ZNF346: variants seen among roughly 807,000 people sequenced by gnomAD.
ZNF346 encodes zinc finger protein 346.
In ZNF346, 23 loss-of-function variants were observed where a neutral mutation model predicts 33.7. The observed-to-expected ratio is 0.68, with a 90% CI of 0.49 to 0.97. The LOEUF is 0.97. Ranked by LOEUF, ZNF346 falls within the 50% of genes least tolerant of loss-of-function variation. The pLI, the probability that ZNF346 is intolerant of heterozygous loss-of-function variation, is 0.00. For synonymous variants in ZNF346, 134 were observed against 142.4 expected (o/e 0.94, Z 0.42); for missense variants, 340 against 371.1 (o/e 0.92, Z 0.69).
intron 8 of ZNF346, among the ~76,000 whole-genome samples, chr5:177,076,531 T>C (rs1200635736): frequency 6.6e-6 from 1 of 152,198 alleles, no homozygotes; most frequent in Non-Finnish European, 1.5e-5. Context: ...AGAATCCTGT[T>C]GGGTCAGTTT....
intron 4 of ZNF346, among the ~76,000 whole-genome samples, chr5:177,048,189 T>C (rs1702566514): frequency 6.6e-6 from 1 of 152,048 alleles, no homozygotes; most frequent in African/African-American, 2.4e-5. Flanking sequence ...CCTCATTTTA[T>C]TGGATGCGCA....
downstream of ZNF346, among the ~76,000 whole-genome samples, chr5:177,068,968 A>G (rs1374292995): frequency 1.4e-5 from 2 of 143,362 alleles, no homozygotes; most frequent in East Asian, 3.9e-4. Flanking sequence ...CAAGATACAG[A>G]ACATTGCCAG....
intron 1 of ZNF346, among the ~76,000 whole-genome samples, chr5:177,038,105 C>G (rs1317720508): frequency 7.6e-6 from 1 of 131,262 alleles, no homozygotes; most frequent in East Asian, 2.0e-4. Context: ...TTTAAATTTT[C>G]AGAGTCAAAG....
chr5:177,054,939 T>C (rs2149681153), intron 5 of ZNF346, among the ~76,000 whole-genome samples: 1 of 152,154 alleles, frequency 6.6e-6, no homozygotes, highest in East Asian at 1.9e-4. Flanking sequence ...ATGGTAAAGA[T>C]ACCTTTCTGA....
At chr5:177,034,939 T>TTC (rs1256913945) in intron 1 of ZNF346, among the ~76,000 whole-genome samples, 1 of 152,226 alleles carries the variant, frequency 6.6e-6, no homozygotes, top group East Asian at 1.9e-4. Flanking sequence ...GTATGCATTA[T>TTC]TCCTGGAGAT....
intron 1 of ZNF346, among the ~76,000 whole-genome samples, chr5:177,026,499 A>T (rs980308513): frequency 1.3e-5 from 2 of 151,398 alleles, no homozygotes; most frequent in African/African-American, 4.9e-5. Context: ...AGCTGGGATT[A>T]CAGGAGGGTG....
chr5:177,070,786 G>T (rs185517541), downstream of ZNF346, among the ~76,000 whole-genome samples: 3 of 151,868 alleles, frequency 2.0e-5, no homozygotes, highest in Non-Finnish European at 4.4e-5. Flanking sequence ...TGACTGAGGC[G>T]GGGGGAAAAG....
chr5:177,054,024 T>A lies in ZNF346; in HGVS notation c.703+3088T>A, dbSNP rs77561156. Reference sequence around the variant, plus strand: ...GGGATAGCTTGAGATTTCATCATGCTACTCAGAATAGCCAGCACTTTAAAA... The same window carrying A: ...GGGATAGCTTGAGATTTCATCATGCAACTCAGAATAGCCAGCACTTTAAAA... On this transcript the variant is annotated intron_variant, in intron 5 of 6. Transcript: ENST00000358149. Among the ~76,000 whole-genome samples, 1,425 of 152,150 alleles carry A rather than the reference T, an allele frequency of 9.4e-3. 33 individuals are homozygous for A. The highest frequency in any genetic ancestry group is 0.032 in the African/African-American group (1,345 of 41,492).
intron 1 of ZNF346, among the ~76,000 whole-genome samples, chr5:177,038,873 TTCTTG>T (rs1561983995): frequency 2.6e-5 from 3 of 114,548 alleles, no homozygotes; most frequent in Non-Finnish European, 3.4e-5. Flanking sequence ...TTTCTTCTTC[TTCTTG>T]TGTGTGTGTG....
downstream of ZNF346, among the ~76,000 whole-genome samples, chr5:177,071,571 A>C (rs1392938956): frequency 6.7e-6 from 1 of 148,838 alleles, no homozygotes; most frequent in Non-Finnish European, 1.5e-5. Flanking sequence ...CTGTAGTCCC[A>C]GCTACCGGGA....
Position 177,022,749 on chromosome 5 carries a change from C to T in ZNF346, c.11C>T (p.Pro4Leu), listed in dbSNP as rs538428254. ...GGGTTTGCGGGGAAGATGGAGTATC[C>T]CGCGCCGGCCACGGTGCAGGCCGCG... is the stretch of plus-strand genomic sequence containing the variant. MEY[P>L]APATVQAADG... Residue 4 changes from proline (P) to leucine (L), a missense_variant, in exon 1 of 7, where the codon CCC becomes CTC. Coordinates refer to ENST00000358149, the MANE Select transcript of ZNF346 (RefSeq NM_012279.4). 1.4e-5 allele frequency: 22 copies of T among 1,554,590 alleles called. No individual in the cohort carries two copies. The highest frequency in any genetic ancestry group is 1.8e-5 in the Non-Finnish European group (21 of 1,154,148).
At chr5:177,045,890 C>G (rs1360701957) in intron 4 of ZNF346, among the ~76,000 whole-genome samples, 1 of 152,150 alleles carries the variant, frequency 6.6e-6, no homozygotes. Context: ...GGTTTAAAGC[C>G]TGGCACTGTT....
rs941661348 is a variant in ZNF346, at chr5:177,065,079, A to G, written c.*480A>G. On this transcript the variant is annotated 3_prime_UTR_variant, in exon 7 of 7. Transcript: ENST00000358149. ...TGCAACATGGGAGCTTGGAGCTAATACGACACTCTGCCTTCCCCCAGAAGG... is the reference window on the plus strand; with the variant it reads ...TGCAACATGGGAGCTTGGAGCTAATGCGACACTCTGCCTTCCCCCAGAAGG... 6.4e-6 allele frequency: 1 copy of G among 157,230 alleles called. No individual in the cohort carries two copies. Among genetic ancestry groups the G allele is most frequent in the Non-Finnish European group, 1.4e-5 (1 of 70,896 alleles). 9.7% of individuals were successfully genotyped at this position (157,230 alleles called of 1,614,324 possible). A position where few individuals can be genotyped will look rare whatever the true frequency, so the allele number is the denominator to read the frequency against.
At position 177,050,818 on chromosome 5, in the gene ZNF346, C is replaced by G. The variant is rs376968170; in HGVS notation, c.585C>G (p.Asn195Lys). Residue 195 changes from asparagine (N) to lysine (K), a missense_variant, in exon 5 of 7, where the codon AAC becomes AAG. By Grantham distance (94) the Asn-to-Lys change is moderately conservative. Transcript: ENST00000358149. ...GCAGCCTCTGCCATGCAACTTTCAA[C>G]GACCCTGTCATGGCTCAACAACATT... ...KFCSLCHATF[N>K]DPVMAQQHYV... 1 of 1,614,040 alleles carries G rather than the reference C, an allele frequency of 6.2e-7. No individual in the cohort carries two copies. The highest frequency in any genetic ancestry group is 1.3e-5 in the African/African-American group (1 of 74,930).
intron 5 of ZNF346, among the ~76,000 whole-genome samples, chr5:177,061,438 C>T (rs1318805296): frequency 6.6e-6 from 1 of 151,958 alleles, no homozygotes; most frequent in Non-Finnish European, 1.5e-5. Flanking sequence ...AGCGAGACTC[C>T]GTCTCAAAAA....
chr5:177,053,652 G>C (rs1385561475), intron 5 of ZNF346, among the ~76,000 whole-genome samples: 2 of 152,156 alleles, frequency 1.3e-5, no homozygotes, highest in African/African-American at 2.4e-5. Flanking sequence ...CGACCTTGAT[G>C]AGTTTTTCTT....
intron 5 of ZNF346, among the ~76,000 whole-genome samples, chr5:177,055,901 C>A (rs575897525): frequency 6.6e-6 from 1 of 152,128 alleles, no homozygotes; most frequent in Admixed American, 6.6e-5. Context: ...CAAGGAGAAA[C>A]CCCGTCTCTA....
chr5:177,042,707 C>G (rs921334586), intron 3 of ZNF346, among the ~76,000 whole-genome samples: 18 of 152,014 alleles, frequency 1.2e-4, no homozygotes, highest in African/African-American at 4.1e-4. Context: ...ATTTATTTAT[C>G]CCTGGTTTCC....
intron 4 of ZNF346, among the ~76,000 whole-genome samples, chr5:177,047,653 C>G (rs955220795): frequency 2.0e-5 from 3 of 152,084 alleles, no homozygotes; most frequent in African/African-American, 4.8e-5. Flanking sequence ...CTACCGGCAC[C>G]TGCCACCACG....
Sources: gnomAD v4.1 joint callset for allele counts (sites outside exome capture counted in the v4.1 genomes callset) on GRCh38, gnomAD v4.1.1 for gene constraint, MANE v1.5 for transcripts, NCBI Gene and HGNC (gene_info 2026-07-23, HGNC 2026-07-21) for gene names.